The following TMEM260 variants were observed in gnomAD, a reference collection of about 807,000 sequenced individuals.
The protein encoded by TMEM260 is protein O-mannosyl-transferase TMEM260.
Under a neutral mutation model 88.9 loss-of-function variants are expected in TMEM260, and 82 were observed. The ratio of observed to expected loss-of-function variants is 0.92; its 90% CI spans 0.77 to 1.11. The LOEUF is 1.11. TMEM260 is among the 50% of genes least tolerant of loss of function. The pLI, the probability that TMEM260 is intolerant of heterozygous loss-of-function variation, is 0.00. For missense variants in TMEM260, 902 were observed against 853.4 expected (o/e 1.06, Z -0.71); for synonymous variants, 314 against 309.3 (o/e 1.02, Z -0.16).
intron 1 of TMEM260, among the ~76,000 whole-genome samples, chr14:56,581,212 T>C (rs1009705487): frequency 2.0e-5 from 3 of 152,230 alleles, no homozygotes; most frequent in African/African-American, 7.2e-5. Context: ...TTCTGCATTT[T>C]ATTCCTGGAA....
chr14:56,655,130 T>C (rs759170152), downstream of TMEM260, among the ~76,000 whole-genome samples: 2 of 151,806 alleles, frequency 1.3e-5, no homozygotes, highest in Non-Finnish European at 2.9e-5. Flanking sequence ...GGTGGCTCAC[T>C]CCTGTAATCC....
intron 2 of TMEM260, 68 bp from the exon 3 acceptor site, chr14:56,585,693 A>T: frequency 6.7e-7 from 1 of 1,482,620 alleles, no homozygotes; most frequent in South Asian, 1.3e-5. Context: ...GCTACTTTTC[A>T]ATTAAGGCCT....
chr14:56,623,810 T>A (rs1230003113), intron 11 of TMEM260, among the ~76,000 whole-genome samples: 1 of 152,186 alleles, frequency 6.6e-6, no homozygotes, highest in Non-Finnish European at 1.5e-5. Context: ...TTAAAATTAA[T>A]TTGTCATTTG....
chr14:56,589,439 T>C (rs1885715505), intron 3 of TMEM260, among the ~76,000 whole-genome samples: 1 of 152,168 alleles, frequency 6.6e-6, no homozygotes. Flanking sequence ...TCAGTGCTTA[T>C]TTTAAAGAAA....
intron 15 of TMEM260, among the ~76,000 whole-genome samples, chr14:56,643,495 T>C (rs1214030853): frequency 1.3e-5 from 2 of 152,076 alleles, no homozygotes; most frequent in East Asian, 3.9e-4. Context: ...AATTAGGTAT[T>C]GATGGGACGT....
the TMEM260 span, among the ~76,000 whole-genome samples, chr14:56,663,138 A>T: frequency 6.6e-6 from 1 of 152,352 alleles, no homozygotes; most frequent in East Asian, 1.9e-4. The surrounding 1 kb of genome is among the most constrained non-coding windows in gnomAD (Gnocchi z 4.1). Flanking sequence ...TCAAAAAAAA[A>T]GCAGTTGCAT....
intron 15 of TMEM260, among the ~76,000 whole-genome samples, chr14:56,641,996 A>G (rs1889630530): frequency 6.6e-6 from 1 of 152,244 alleles, no homozygotes; most frequent in African/African-American, 2.4e-5. Context: ...AGGAGCACCC[A>G]GATTCATAAA....
At chr14:56,658,260 G>C in the TMEM260 span, among the ~76,000 whole-genome samples, 1 of 151,214 alleles carries the variant, frequency 6.6e-6, no homozygotes, top group African/African-American at 2.5e-5. Flanking sequence ...TTGTTTGTTT[G>C]TTTTTGAGAT....
chr14:56,657,815 C>T, the TMEM260 span, among the ~76,000 whole-genome samples: 14 of 152,194 alleles, frequency 9.2e-5, no homozygotes, highest in South Asian at 1.2e-3. Flanking sequence ...GACCCACAAA[C>T]GGTCATTAGA....
chr14:56,650,804 G>GTTCT (rs1566587463), downstream of TMEM260, among the ~76,000 whole-genome samples: 1 of 151,948 alleles, frequency 6.6e-6, no homozygotes, highest in Non-Finnish European at 1.5e-5. Flanking sequence ...TTTCATCATA[G>GTTCT]TTCTCATCAA....
At chr14:56,601,553 A>G (rs1406129509) in intron 3 of TMEM260, among the ~76,000 whole-genome samples, 1 of 152,112 alleles carries the variant, frequency 6.6e-6, no homozygotes, top group Non-Finnish European at 1.5e-5. Flanking sequence ...GAGACTATAC[A>G]TATTCTGTTA....
rs564881081 is a variant in TMEM260 at position 56,609,206 on chromosome 14, G to T, written c.737G>T (p.Arg246Leu). 6.2e-7 allele frequency: 1 copy of T among 1,613,994 alleles called. No individual in the cohort carries two copies. Residue 246 changes from arginine to leucine, a missense_variant, in exon 6 of 16, where the codon CGG (arginine) becomes CTG (leucine). Coordinates refer to ENST00000261556, the MANE Select transcript of TMEM260 (RefSeq NM_017799.4). ...LPISSYLNHA[R>L]WTWGDQTTLQ... ...ATCTCATCTTACCTTAATCACGCCCGGTGGACCTGGGGAGACCAGACAACA... is the reference window on the plus strand; with the variant it reads ...ATCTCATCTTACCTTAATCACGCCCTGTGGACCTGGGGAGACCAGACAACA...
chr14:56,581,813 C>A (rs920408544), intron 1 of TMEM260, among the ~76,000 whole-genome samples: 3 of 152,156 alleles, frequency 2.0e-5, no homozygotes, highest in Non-Finnish European at 4.4e-5. Flanking sequence ...AGAATATGCC[C>A]CCTTAACCTC....
the TMEM260 span, among the ~76,000 whole-genome samples, chr14:56,656,215 G>A: frequency 6.6e-6 from 1 of 152,122 alleles, no homozygotes; most frequent in African/African-American, 2.4e-5. Flanking sequence ...CCAGGAGTTT[G>A]AGACCAGCCT....
In TMEM260 at chr14:56,618,666, T is replaced by G; in HGVS notation, c.1129T>G (p.Ser377Ala). The part of the protein sequence containing the change: ...LAGIGLAAVV[S>A]ETNRVLNSNG... ...TGGCATTGGTTTGGCTGCAGTTGTGTCTGAGACTAACCGAGTGCTGAATAG... is the reference window on the plus strand; with the variant it reads ...TGGCATTGGTTTGGCTGCAGTTGTGGCTGAGACTAACCGAGTGCTGAATAG... Residue 377 changes from serine (S) to alanine (A), a missense_variant, in exon 10 of 16, where the codon TCT becomes GCT. Physicochemically the swap from Ser to Ala is moderately conservative, Grantham distance 99. Transcript: ENST00000261556. The G allele has an allele frequency of 6.2e-7, 1 of 1,614,216 alleles. No homozygotes were observed. The highest frequency in any genetic ancestry group is 8.5e-7 in the Non-Finnish European group (1 of 1,180,032).
chr14:56,618,724 C>T lies in TMEM260; in HGVS notation c.1187C>T (p.Ala396Val). Residue 396 changes from alanine to valine, a missense_variant, in exon 10 of 16, where the codon GCA becomes GTA. By Grantham distance (64) the Ala-to-Val change is moderately conservative (BLOSUM62 0). Coordinates refer to ENST00000261556, the MANE Select transcript of TMEM260 (RefSeq NM_017799.4). The part of the protein sequence containing the change: ...NGLQCLEWLS[A>V]TLFVVYQIYS... ...CTTCAGTGTCTGGAATGGCTTTCTGCAACTCTTTTTGTAGTTTACCAAATA... is the reference window on the plus strand; with the variant it reads ...CTTCAGTGTCTGGAATGGCTTTCTGTAACTCTTTTTGTAGTTTACCAAATA... 1.9e-6 allele frequency: 3 copies of T among 1,614,124 alleles called. No individual in the cohort carries two copies. Among genetic ancestry groups the T allele is most frequent in the Non-Finnish European group, 2.5e-6 (3 of 1,180,014 alleles).
At chr14:56,658,972 C>T in the TMEM260 span, among the ~76,000 whole-genome samples, 7 of 152,172 alleles carry the variant, frequency 4.6e-5, no homozygotes, top group Non-Finnish European at 1.0e-4. Context: ...TCAGTTGATC[C>T]GCCCACCTCA....
chr14:56,616,076 G>C, intron 8 of TMEM260, 49 bp downstream of exon 8: 1 of 1,365,602 alleles, frequency 7.3e-7, no homozygotes, highest in Non-Finnish European at 1.0e-6. Context: ...TTCATGAATT[G>C]AATTAATGTT....
At chr14:56,620,470 A>G (rs892420125) in intron 10 of TMEM260, among the ~76,000 whole-genome samples, 6 of 152,224 alleles carry the variant, frequency 3.9e-5, no homozygotes, top group African/African-American at 1.2e-4. Flanking sequence ...TATCCCAGTC[A>G]TCTCCTGGCT....
Sources: gnomAD v4.1 joint callset for allele counts (sites outside exome capture counted in the v4.1 genomes callset) on GRCh38, gnomAD v4.1.1 for gene constraint, Gnocchi (gnomAD v3.1) non-coding constraint, MANE v1.5 for transcripts, NCBI Gene and HGNC (gene_info 2026-07-23, HGNC 2026-07-21) for gene names.